MIR2052HG: variants seen among roughly 807,000 people sequenced by gnomAD.
MIR2052HG encodes MIR2052 host gene.
chr8:74,746,596 G>C (rs1809889705), intron 4 of MIR2052HG, among the ~76,000 whole-genome samples: 1 of 164 alleles, frequency 6.1e-3, no homozygotes. Context: ...GTGTGTGTGT[G>C]TGTCAAAGAG....
At chr8:74,651,088 C>T (rs975239239) in intron 2 of MIR2052HG, among the ~76,000 whole-genome samples, 8 of 151,146 alleles carry the variant, frequency 5.3e-5, no homozygotes, top group Admixed American at 5.3e-4. Context: ...TTGTTTCTTT[C>T]CTTTTTGTGA....
At chr8:74,636,977 T>C (rs1808588365) in intron 2 of MIR2052HG, among the ~76,000 whole-genome samples, 1 of 152,164 alleles carries the variant, frequency 6.6e-6, no homozygotes, top group Non-Finnish European at 1.5e-5. Flanking sequence ...GGCAGGGCTC[T>C]TTGGGATTAT....
chr8:74,638,409 C>T (rs1808605274), intron 2 of MIR2052HG, among the ~76,000 whole-genome samples: 1 of 152,126 alleles, frequency 6.6e-6, no homozygotes, highest in African/African-American at 2.4e-5. Flanking sequence ...CTTACATAAA[C>T]AACTTTACAT....
chr8:74,745,052 G>A (rs564699512), intron 4 of MIR2052HG, among the ~76,000 whole-genome samples: 1 of 152,168 alleles, frequency 6.6e-6, no homozygotes, highest in Admixed American at 6.6e-5. Flanking sequence ...AAGGCCAGGA[G>A]TTCAAGACCA....
intron 4 of MIR2052HG, among the ~76,000 whole-genome samples, chr8:74,720,140 C>T (rs889981109): frequency 9.2e-5 from 14 of 152,220 alleles, no homozygotes; most frequent in Middle Eastern, 3.4e-3. Flanking sequence ...TGAGCCACCA[C>T]GCCCAGGCTT....
chr8:74,704,797 A>G (rs189979616), intron 4 of MIR2052HG, among the ~76,000 whole-genome samples: 2 of 152,214 alleles, frequency 1.3e-5, no homozygotes, highest in Admixed American at 6.6e-5. Flanking sequence ...GAAATTTTGG[A>G]AGAACTTCAG....
intron 2 of MIR2052HG, among the ~76,000 whole-genome samples, chr8:74,617,631 C>T (rs2128732222): frequency 6.6e-6 from 1 of 152,168 alleles, no homozygotes; most frequent in African/African-American, 2.4e-5. Flanking sequence ...AGGTTGATTT[C>T]ATTACTTTGT....
rs145273506 is a variant in MIR2052HG at position 74,683,727 on chromosome 8, A to G, written n.217-18652A>G. On this transcript the variant is annotated intron_variant and non_coding_transcript_variant, in intron 2 of 6. Coordinates refer to ENST00000523442, the Ensembl canonical transcript of MIR2052HG. ...GAAAACACCTAAGGGCTGTGTTACA[A>G]TCACAGTGATAATCAATTTTATCTT... Among the ~76,000 whole-genome samples the G allele has an allele frequency of 1.8e-4, 27 of 152,188 alleles. No individual in the cohort carries two copies. The East Asian group carries it at 4.8e-3, about 27-fold the overall frequency.
chr8:74,737,381 T>C (rs1364111541), intron 4 of MIR2052HG, among the ~76,000 whole-genome samples: 2 of 152,168 alleles, frequency 1.3e-5, no homozygotes, highest in Non-Finnish European at 2.9e-5. Context: ...TGCTTGGGCC[T>C]GTTCCCACAC....
Position 74,698,782 on chromosome 8 carries a change from G to C in MIR2052HG, n.217-3597G>C, listed in dbSNP as rs185426193. On this transcript the variant is annotated intron_variant and non_coding_transcript_variant, in intron 2 of 6. Transcript: ENST00000523442. ...AACAACACACACCAGTGCCTCTTAG[G>C]GGGTGGGAGGCAAGGGGAGGAAACT... Among the ~76,000 whole-genome samples the C allele has an allele frequency of 4.9e-4, 74 of 152,214 alleles. 1 individual carries two copies. In the South Asian group the frequency reaches 9.1e-3, roughly 19 times the overall value.
At chr8:74,639,632 C>A (rs1808617818) in intron 2 of MIR2052HG, among the ~76,000 whole-genome samples, 1 of 152,094 alleles carries the variant, frequency 6.6e-6, no homozygotes, top group Admixed American at 6.6e-5. Context: ...TTGCTTAGCC[C>A]ATGATATATA....
chr8:74,624,903 C>T (rs942517476), intron 2 of MIR2052HG, among the ~76,000 whole-genome samples: 22 of 151,914 alleles, frequency 1.4e-4, no homozygotes, highest in African/African-American at 3.9e-4. Context: ...GATTTAGCTG[C>T]GAAGGAGTTA....
chr8:74,623,438 C>T (rs923569500), intron 2 of MIR2052HG, among the ~76,000 whole-genome samples: 4 of 151,832 alleles, frequency 2.6e-5, no homozygotes, highest in East Asian at 1.9e-4. Flanking sequence ...TACACAGTGT[C>T]GGGGAGAAAA....
chr8:74,718,388 G>C (rs1483997432), intron 4 of MIR2052HG, among the ~76,000 whole-genome samples: 2 of 152,040 alleles, frequency 1.3e-5, no homozygotes, highest in Non-Finnish European at 2.9e-5. Context: ...CGGGGGTCAG[G>C]CTCTTATGTC....
At chr8:74,662,127 C>T (rs1471050425) in intron 2 of MIR2052HG, among the ~76,000 whole-genome samples, 2 of 152,208 alleles carry the variant, frequency 1.3e-5, no homozygotes, top group African/African-American at 4.8e-5. Flanking sequence ...ATGAGAGTAT[C>T]ACGGTTTTGA....
chr8:74,674,146 G>A (rs1326014821), intron 2 of MIR2052HG, among the ~76,000 whole-genome samples: 2 of 150,784 alleles, frequency 1.3e-5, no homozygotes, highest in African/African-American at 2.5e-5. Flanking sequence ...TTGTGTGTGT[G>A]TGTGTGTGTG....
At chr8:74,749,064 G>T (rs909634986) in intron 4 of MIR2052HG, among the ~76,000 whole-genome samples, 1 of 152,074 alleles carries the variant, frequency 6.6e-6, no homozygotes, top group African/African-American at 2.4e-5. Context: ...TAGCTATAAT[G>T]ATTATAGAAT....
At chr8:74,660,350 T>G (rs985339424) in intron 2 of MIR2052HG, among the ~76,000 whole-genome samples, 2 of 152,208 alleles carry the variant, frequency 1.3e-5, no homozygotes, top group Non-Finnish European at 2.9e-5. Context: ...CCCAGCTCAT[T>G]TTTTGAACTA....
intron 2 of MIR2052HG, among the ~76,000 whole-genome samples, chr8:74,624,882 C>A (rs747236796): frequency 7.2e-5 from 11 of 152,144 alleles, no homozygotes; most frequent in Non-Finnish European, 1.5e-4. Flanking sequence ...AAATATGATT[C>A]TCTTTTTTGA....
Sources: allele counts gnomAD v4.1 joint callset (sites outside exome capture counted in the v4.1 genomes callset), GRCh38; gene constraint gnomAD v4.1.1; transcripts MANE v1.5; gene names NCBI Gene and HGNC (gene_info 2026-07-23, HGNC 2026-07-21).